OTUB2: variants seen among roughly 807,000 people sequenced by gnomAD.
The protein encoded by OTUB2 is OTU deubiquitinase, ubiquitin aldehyde binding 2.
A neutral mutation model predicts 25.1 loss-of-function variants in OTUB2; 21 were observed. The observed-to-expected ratio is 0.84, with a 90% CI of 0.59 to 1.21. The LOEUF is 1.21. OTUB2 is among the 50% of genes most tolerant of loss of function. The pLI, the probability that OTUB2 is intolerant of heterozygous loss-of-function variation, is 0.00. For synonymous variants in OTUB2, 122 were observed against 122.8 expected, an observed-to-expected ratio of 0.99 and a Z score of 0.04; for missense variants, 283 against 298.0, an observed-to-expected ratio of 0.95 and a Z score of 0.37.
In OTUB2 at chr14:94,044,642, G is replaced by A; in HGVS notation, c.360G>A (p.Lys120=). Residue 120 remains lysine, a synonymous_variant, in exon 5 of 6, where the codon AAG becomes AAA. Coordinates refer to ENST00000203664, the MANE Select transcript of OTUB2 (RefSeq NM_023112.4). ...ATGGCTCAGTGTCCAGCCTGCTGAA[G>A]GTGTTCAACGACCAGAGTGCCTCGG... ...EKDGSVSSLL[K]VFNDQSASDH... The A allele has an allele frequency of 6.2e-7, 1 of 1,614,178 alleles. No homozygotes were observed. The highest frequency in any genetic ancestry group is 8.5e-7 in the Non-Finnish European group (1 of 1,180,040).
chr14:94,037,220 A>G (rs1422246480), intron 1 of OTUB2, among the ~76,000 whole-genome samples, 160 bp from the exon 2 acceptor site: 4 of 152,156 alleles, frequency 2.6e-5, no homozygotes, highest in Non-Finnish European at 5.9e-5. Flanking sequence ...GGTGATCCCA[A>G]CGGGCGTCTA....
chr14:94,030,708 G>A (rs1026247993), intron 1 of OTUB2, among the ~76,000 whole-genome samples: 12 of 152,186 alleles, frequency 7.9e-5, no homozygotes, highest in East Asian at 1.9e-4. Flanking sequence ...CTATGTTACC[G>A]TGGCGAGAGG....
chr14:94,033,379 T>C (rs932825055), intron 1 of OTUB2, among the ~76,000 whole-genome samples: 1 of 152,252 alleles, frequency 6.6e-6, no homozygotes, highest in African/African-American at 2.4e-5. Context: ...TAACTGTTGA[T>C]GGCAGTTTTC....
chr14:94,028,496 T>G (rs1884904248), intron 1 of OTUB2, among the ~76,000 whole-genome samples: 1 of 152,240 alleles, frequency 6.6e-6, no homozygotes, highest in Non-Finnish European at 1.5e-5. Flanking sequence ...GGACCAGACC[T>G]CTGGCAGGGA....
At chr14:94,039,388 A>G (rs1213140294) in intron 3 of OTUB2, 6 of 381,376 alleles carry the variant, frequency 1.6e-5, no homozygotes, top group Non-Finnish European at 2.8e-5. Context: ...CTCTGAAAAG[A>G]AAAGAAAAGA....
intron 3 of OTUB2, among the ~76,000 whole-genome samples, chr14:94,042,369 G>A (rs556018781): frequency 6.6e-5 from 10 of 152,270 alleles, no homozygotes; most frequent in Admixed American, 1.3e-4. Context: ...TGGCCTGGGG[G>A]CTTGCCCCCT....
rs577800704 is a variant in OTUB2 at position 94,033,816 on chromosome 14, G to A, written c.4-3564G>A. The stretch of plus-strand genomic sequence containing the variant: ...AGAGGGAGAGCTTTCATTCTGAAAT[G>A]TATAGAATCCTATGAATATTTGCTG... On this transcript the variant is annotated intron_variant, in intron 1 of 5. Coordinates refer to ENST00000203664, the MANE Select transcript of OTUB2 (RefSeq NM_023112.4). 1.9e-4 allele frequency among the ~76,000 whole-genome samples: 29 copies of A among 152,332 alleles called. No homozygotes were observed. In the South Asian group the frequency reaches 6.0e-3, roughly 32 times the overall value.
chr14:94,045,992 T>G lies in OTUB2; in HGVS notation c.*70T>G, dbSNP rs1476798608. The G allele has an allele frequency of 1.3e-6, 2 of 1,528,306 alleles. No homozygotes were observed. Among genetic ancestry groups the G allele is most frequent in the Admixed American group, 3.6e-5 (2 of 55,896 alleles). 94.7% of individuals were successfully genotyped at this position (1,528,306 alleles called of 1,614,324 possible). The stretch of plus-strand genomic sequence containing the variant: ...CATTCTGAATGGAACATTCCGGCTC[T>G]TCAATTTTTTAAGCAATTTAGACTG... On this transcript the variant is annotated 3_prime_UTR_variant, in exon 6 of 6. Coordinates refer to ENST00000203664, the MANE Select transcript of OTUB2 (RefSeq NM_023112.4).
intron 1 of OTUB2, among the ~76,000 whole-genome samples, chr14:94,033,718 CGAATTGG>C (rs1366256520): frequency 1.3e-5 from 2 of 152,196 alleles, no homozygotes; most frequent in Non-Finnish European, 2.9e-5. Context: ...TGAGTGGGAA[CGAATTGG>C]GCAGAGCAGG....
At chr14:94,041,557 A>G (rs764411857) in intron 3 of OTUB2, among the ~76,000 whole-genome samples, 39 of 151,810 alleles carry the variant, frequency 2.6e-4, no homozygotes, top group East Asian at 5.8e-4. Flanking sequence ...CTCAGCCTGC[A>G]TCTTCTTAAC....
In OTUB2 at chr14:94,026,437, G is replaced by A. The variant is rs1595363703; in HGVS notation, c.-101G>A. The stretch of plus-strand genomic sequence containing the variant: ...CCGCCCCCACGCCCTCGAGGTCCCC[G>A]CCACCGAACCAGCGGCGGAGCCCGC... On this transcript the variant is annotated 5_prime_UTR_variant, in exon 1 of 6. Transcript: ENST00000203664. 2 of 1,302,904 alleles carry A rather than the reference G, an allele frequency of 1.5e-6. No homozygotes were observed. Among genetic ancestry groups the A allele is most frequent in the Admixed American group, 4.0e-5 (1 of 25,082 alleles). The allele number at this position is 1,302,904 out of a possible 1,614,324, so 80.7% of individuals were successfully genotyped here. A position where few individuals can be genotyped will look rare whatever the true frequency, so the allele number is the denominator to read the frequency against.
At chr14:94,035,289 T>TC (rs1358355972) in intron 1 of OTUB2, among the ~76,000 whole-genome samples, 2 of 61,388 alleles carry the variant, frequency 3.3e-5, no homozygotes, top group East Asian at 4.5e-4. Flanking sequence ...TTCTTTTCTT[T>TC]TTTTTTTTTT....
intron 1 of OTUB2, among the ~76,000 whole-genome samples, chr14:94,028,431 G>A (rs1426338488): frequency 6.6e-6 from 1 of 152,234 alleles, no homozygotes; most frequent in African/African-American, 2.4e-5. Context: ...CTAAGCTTGA[G>A]GAAGGGCGCC....
chr14:94,038,877 T>TG (rs962477775), intron 2 of OTUB2, 86 bp from the exon 3 acceptor site: 4 of 1,161,238 alleles, frequency 3.4e-6, no homozygotes, highest in Non-Finnish European at 5.2e-6. Context: ...CTGGGAGAGA[T>TG]GGGGGGCACC....
chr14:94,039,526 C>T (rs896859979), intron 3 of OTUB2: 9 of 167,760 alleles, frequency 5.4e-5, no homozygotes, highest in African/African-American at 1.9e-4. Flanking sequence ...AGGTCTGTGT[C>T]CAGAGCTGCC....
chr14:94,038,430 C>T (rs1364613515), intron 2 of OTUB2, among the ~76,000 whole-genome samples: 1 of 152,190 alleles, frequency 6.6e-6, no homozygotes, highest in Non-Finnish European at 1.5e-5. Context: ...AACTCCAAGA[C>T]CCCTTGAAAA....
At chr14:94,041,155 G>A (rs1207261096) in intron 3 of OTUB2, among the ~76,000 whole-genome samples, 6 of 152,238 alleles carry the variant, frequency 3.9e-5, no homozygotes, top group Non-Finnish European at 5.9e-5. Context: ...TGAAGGTGGC[G>A]AAAGGATTCG....
intron 3 of OTUB2, among the ~76,000 whole-genome samples, chr14:94,043,374 A>G (rs763576367): frequency 6.6e-6 from 1 of 152,134 alleles, no homozygotes; most frequent in Non-Finnish European, 1.5e-5. Flanking sequence ...TGCTGCCACT[A>G]AACTTGGGAG....
At chr14:94,035,438 G>A (rs1885037024) in intron 1 of OTUB2, among the ~76,000 whole-genome samples, 1 of 151,856 alleles carries the variant, frequency 6.6e-6, no homozygotes, top group African/African-American at 2.4e-5. Context: ...ACGGGCATGT[G>A]CCACCATGCC....
Sources: allele counts gnomAD v4.1 joint callset (sites outside exome capture counted in the v4.1 genomes callset), GRCh38; gene constraint gnomAD v4.1.1; transcripts MANE v1.5; gene names NCBI Gene and HGNC (gene_info 2026-07-23, HGNC 2026-07-21).